RGS17: variants seen among roughly 807,000 people sequenced by gnomAD.
The protein encoded by RGS17 is regulator of G protein signaling 17, also known as regulator of G-protein signaling 17.
Under a neutral mutation model 25.5 loss-of-function variants are expected in RGS17, and 12 were observed. The ratio of observed to expected loss-of-function variants is 0.47; its 90% CI spans 0.30 to 0.76. The LOEUF is 0.76. RGS17 is among the 30% of genes least tolerant of loss of function. RGS17 has a pLI of 0.07. For synonymous variants in RGS17, 71 were observed against 76.9 expected (o/e 0.92, Z 0.40); for missense variants, 196 against 242.2 (o/e 0.81, Z 1.27).
At chr6:153,076,981 A>G (rs9479497) in intron 1 of RGS17, among the ~76,000 whole-genome samples, 58,191 of 129,346 alleles carry the variant, frequency 0.45, 11,369 homozygotes, top group Non-Finnish European at 0.48. Context: ...GTTATAAGGG[A>G]AAAAAATGTA....
intron 1 of RGS17, among the ~76,000 whole-genome samples, chr6:153,089,293 T>C (rs190436877): frequency 2.0e-4 from 31 of 152,128 alleles, no homozygotes; most frequent in Non-Finnish European, 4.0e-4. Context: ...AGTAGACATA[T>C]GTGGTTTTTG....
chr6:153,094,021 T>C (rs1179778319), intron 1 of RGS17, among the ~76,000 whole-genome samples: 1 of 152,086 alleles, frequency 6.6e-6, no homozygotes, highest in South Asian at 2.1e-4. Context: ...TCTGGTATCA[T>C]CAATGGAGGA....
rs909426456 is a variant in RGS17 at position 153,010,758 on chromosome 6, G to C, written c.*816C>G. 6.6e-6 allele frequency: 1 copy of C among 151,724 alleles called. No homozygotes were observed. The highest frequency in any genetic ancestry group is 2.4e-5 in the African/African-American group (1 of 41,316). 9.4% of individuals were successfully genotyped at this position (151,724 alleles called of 1,614,324 possible). A position where few individuals can be genotyped will look rare whatever the true frequency, so the allele number is the denominator to read the frequency against. On this transcript the variant is annotated 3_prime_UTR_variant, in exon 5 of 5. Transcript: ENST00000206262. ...GCCAGTCTTTAATAAATTAATTACA[G>C]TATTGGACATCTGATATATACATAA...
chr6:153,053,994 A>AT (rs1464036877), intron 1 of RGS17, among the ~76,000 whole-genome samples: 6 of 55,520 alleles, frequency 1.1e-4, no homozygotes, highest in African/African-American at 3.4e-4. Flanking sequence ...TGTATATAAT[A>AT]TATATACATA....
At chr6:153,080,109 G>T (rs1333070960) in intron 1 of RGS17, among the ~76,000 whole-genome samples, 1 of 152,134 alleles carries the variant, frequency 6.6e-6, no homozygotes. Context: ...AGCCTCCTGA[G>T]TAGCTGGGAC....
chr6:153,076,945 G>T (rs1776888758), intron 1 of RGS17, among the ~76,000 whole-genome samples: 1 of 152,036 alleles, frequency 6.6e-6, no homozygotes, highest in Non-Finnish European at 1.5e-5. Context: ...TTTGTATGGG[G>T]CCCAAATATC....
chr6:153,049,885 A>T (rs986249484), intron 1 of RGS17, among the ~76,000 whole-genome samples: 8 of 152,312 alleles, frequency 5.3e-5, no homozygotes, highest in South Asian at 4.1e-4. Flanking sequence ...AATAAAAATA[A>T]GTGGGGGTGT....
chr6:153,037,290 G>T (rs1055024064), intron 2 of RGS17, among the ~76,000 whole-genome samples: 15 of 151,838 alleles, frequency 9.9e-5, no homozygotes, highest in African/African-American at 3.6e-4. Flanking sequence ...TGTAATTTTT[G>T]AAAAGAATTT....
chr6:153,103,419 TTGGCTTC>T (rs1360983381), intron 1 of RGS17, among the ~76,000 whole-genome samples: 2 of 152,182 alleles, frequency 1.3e-5, no homozygotes, highest in Non-Finnish European at 2.9e-5. Context: ...TTGTGAGCTG[TTGGCTTC>T]TGTCACCGGC....
At chr6:153,109,557 T>G (rs1157726768) in intron 1 of RGS17, among the ~76,000 whole-genome samples, 1 of 152,232 alleles carries the variant, frequency 6.6e-6, no homozygotes, top group Non-Finnish European at 1.5e-5. Context: ...ACCTCCTCTT[T>G]CAGCATGGAA....
intron 1 of RGS17, among the ~76,000 whole-genome samples, chr6:153,060,386 C>A (rs1776617047): frequency 6.6e-6 from 1 of 152,156 alleles, no homozygotes; most frequent in Non-Finnish European, 1.5e-5. Context: ...CAGCACCTGG[C>A]AGAGGCACTT....
chr6:153,037,195 C>G (rs1292835), intron 2 of RGS17, among the ~76,000 whole-genome samples: 56,462 of 142,390 alleles, frequency 0.4, 11,020 homozygotes, highest in East Asian at 0.67. Context: ...CACACACACA[C>G]ACACAGACAC....
Position 153,127,367 on chromosome 6 carries a change from T to C in RGS17, c.-26+3757A>G, listed in dbSNP as rs183192368. 2.1e-4 allele frequency among the ~76,000 whole-genome samples: 32 copies of C among 152,356 alleles called. No individual in the cohort carries two copies. The East Asian group carries it at 5.6e-3, about 27-fold the overall frequency. ...AATAAACTTGTGGTAAACCATGCTG[T>C]GTTTTCAATAGCAGTTCTTTAGGTA... On this transcript the variant is annotated intron_variant, in intron 1 of 4. Transcript: ENST00000206262.
At chr6:153,065,580 T>C (rs1234209040) in intron 1 of RGS17, among the ~76,000 whole-genome samples, 1 of 152,160 alleles carries the variant, frequency 6.6e-6, no homozygotes, top group Non-Finnish European at 1.5e-5. Context: ...ATATCAACCA[T>C]CTTTTCTGAT....
intron 1 of RGS17, among the ~76,000 whole-genome samples, chr6:153,076,752 G>A (rs1432260524): frequency 2.0e-5 from 3 of 152,108 alleles, no homozygotes; most frequent in African/African-American, 7.2e-5. Context: ...TTACTAGACT[G>A]AATAAATACA....
chr6:153,107,879 T>C (rs987859671), intron 1 of RGS17, among the ~76,000 whole-genome samples: 6 of 152,244 alleles, frequency 3.9e-5, no homozygotes, highest in Admixed American at 3.9e-4. Flanking sequence ...CTAACAGCTC[T>C]TGATAATTTC....
chr6:153,083,849 G>A (rs371080927), intron 1 of RGS17, among the ~76,000 whole-genome samples: 1 of 152,130 alleles, frequency 6.6e-6, no homozygotes, highest in East Asian at 1.9e-4. Flanking sequence ...TTTGCCACAT[G>A]AAAAACTGTA....
chr6:153,020,751 A>G (rs1779240568), intron 4 of RGS17, among the ~76,000 whole-genome samples: 1 of 152,180 alleles, frequency 6.6e-6, no homozygotes, highest in Non-Finnish European at 1.5e-5. Flanking sequence ...TCAAATGTTC[A>G]TGTTCTTTAA....
chr6:153,101,791 A>ACTCTCTCT (rs112427467), intron 1 of RGS17, among the ~76,000 whole-genome samples: 1 of 150,130 alleles, frequency 6.7e-6, no homozygotes, highest in Non-Finnish European at 1.5e-5. Flanking sequence ...TTCCCCCTTC[A>ACTCTCTCT]CTCTCTCTCT....
Sources: allele counts gnomAD v4.1 joint callset (sites outside exome capture counted in the v4.1 genomes callset), GRCh38; gene constraint gnomAD v4.1.1; transcripts MANE v1.5; gene names NCBI Gene and HGNC (gene_info 2026-07-23, HGNC 2026-07-21).